Variants in SIRT2 observed in about 807,000 individuals in gnomAD.
SIRT2 encodes the protein sirtuin 2, also known as NAD-dependent protein deacetylase sirtuin-2.
In SIRT2, 40 loss-of-function variants were observed where a neutral mutation model predicts 57.4. That is an observed-to-expected ratio of 0.70 (90% CI 0.54 to 0.91). The LOEUF (loss-of-function observed/expected upper bound fraction) is 0.91, where lower values mean the gene tolerates loss of function less well. Among genes scored for constraint, SIRT2 ranks in the 40% least tolerant of loss-of-function variants. SIRT2 has a pLI of 0.00. For missense variants in SIRT2, 439 were observed against 510.4 expected (o/e 0.86, Z 1.35); for synonymous variants, 161 against 195.7 (o/e 0.82, Z 1.48).
chr19:38,899,129 C>A (rs1229773506), intron 1 of SIRT2, among the ~76,000 whole-genome samples: 1 of 152,032 alleles, frequency 6.6e-6, no homozygotes, highest in South Asian at 2.1e-4. Context: ...AGGCGCGGAA[C>A]AAGGGGAAGC....
intron 13 of SIRT2, chr19:38,879,935 C>A: frequency 1.9e-6 from 1 of 532,682 alleles, no homozygotes; most frequent in East Asian, 3.1e-5. Flanking sequence ...AAGTGATTCT[C>A]CCGCCTCAAC....
At position 38,879,136 on chromosome 19, in the gene SIRT2, C is replaced by CA. The variant is rs1973035044; in HGVS notation, c.*18_*19insT. On this transcript the variant is annotated 3_prime_UTR_variant, in exon 16 of 16. Transcript: ENST00000249396. ...GCTGTCCCTGAGGAGCTCGGCATCCCGCCTGGGAGATGCAGCTGTCACTGG... is the reference window on the plus strand; with the variant it reads ...GCTGTCCCTGAGGAGCTCGGCATCCCAGCCTGGGAGATGCAGCTGTCACTGG... 1 of 1,551,844 alleles carries CA rather than the reference C, an allele frequency of 6.4e-7. No individual in the cohort carries two copies. Among genetic ancestry groups the CA allele is most frequent in the African/African-American group, 1.4e-5 (1 of 71,876 alleles).
chr19:38,884,448 G>GT (rs1292961224), intron 8 of SIRT2, among the ~76,000 whole-genome samples: 116 of 151,828 alleles, frequency 7.6e-4, no homozygotes, highest in African/African-American at 2.8e-3. Context: ...TTGTTTGTTT[G>GT]TTTGTTTGTT....
In SIRT2 at chr19:38,881,421, C is replaced by T; in HGVS notation, c.691+11G>A. ...AAATCCACCTGGGCAGGTCCCTGGC[C>T]AGAGGCTCACCAGGCTTCACCAGGC... On this transcript the variant is annotated intron_variant, in intron 10 of 15. Coordinates refer to ENST00000249396, the MANE Select transcript of SIRT2 (RefSeq NM_012237.4). 6.2e-7 allele frequency: 1 copy of T among 1,613,898 alleles called. No individual in the cohort carries two copies. The highest frequency in any genetic ancestry group is 8.5e-7 in the Non-Finnish European group (1 of 1,179,836).
rs1443845892 is a variant in SIRT2, at chr19:38,881,146, A to T, written c.701T>A (p.Phe234Tyr). ...CQSLVKPDIV[F>Y]FGESLPARFF... ...ACGCGCTGGGAGGCTCTCACCAAAA[A>T]AGACGATATCTGAGGTGGAGACAGA... The change falls in exon 11 of 16, where the codon TTT becomes TAT. Residue 234 changes from phenylalanine to tyrosine, a missense_variant. Phe to Tyr is a conservative substitution (Grantham distance 22, BLOSUM62 3). Coordinates refer to ENST00000249396, the MANE Select transcript of SIRT2 (RefSeq NM_012237.4). 6.2e-7 allele frequency: 1 copy of T among 1,613,126 alleles called. No individual in the cohort carries two copies. The highest frequency in any genetic ancestry group is 8.5e-7 in the Non-Finnish European group (1 of 1,179,706).
At chr19:38,896,835 G>A (rs1264484919) in intron 2 of SIRT2, among the ~76,000 whole-genome samples, 1 of 152,180 alleles carries the variant, frequency 6.6e-6, no homozygotes, top group African/African-American at 2.4e-5. Context: ...CCCCACGTCT[G>A]AAAGGCAATC....
intron 8 of SIRT2, among the ~76,000 whole-genome samples, chr19:38,884,444 G>GTTTT (rs1973261439): frequency 1.3e-5 from 2 of 151,606 alleles, no homozygotes; most frequent in African/African-American, 4.8e-5. Flanking sequence ...TGGTTTGTTT[G>GTTTT]TTTGTTTGTT....
rs1183911679 is a variant in SIRT2 at position 38,880,107 on chromosome 19, G to A, written c.877-405C>T. On this transcript the variant is annotated intron_variant, in intron 13 of 15. Coordinates refer to ENST00000249396, the MANE Select transcript of SIRT2 (RefSeq NM_012237.4). The surrounding 1 kb of genome is among the most constrained non-coding windows in gnomAD (Gnocchi z 4.1). ...CCCAAAGTGCTGGAATTACAGGCGTGAGCCATTGCGCCCAGCCAGCTCAGT... is the reference window on the plus strand; with the variant it reads ...CCCAAAGTGCTGGAATTACAGGCGTAAGCCATTGCGCCCAGCCAGCTCAGT... The A allele has an allele frequency of 4.9e-6, 1 of 202,134 alleles. No individual in the cohort carries two copies. The highest frequency in any genetic ancestry group is 2.3e-5 in the African/African-American group (1 of 43,004). 12.5% of individuals were successfully genotyped at this position (202,134 alleles called of 1,614,324 possible).
At chr19:38,889,985 A>T (rs1353109669) in intron 5 of SIRT2, 24 bp from the exon 6 acceptor site, 1 of 1,611,698 alleles carries the variant, frequency 6.2e-7, no homozygotes, top group Admixed American at 1.7e-5. Flanking sequence ...GTCAGGGAGC[A>T]GTTGGTCTAT....
chr19:38,893,780 C>T (rs201560777), intron 3 of SIRT2, 39 bp downstream of exon 3: 43 of 1,612,118 alleles, frequency 2.7e-5, no homozygotes, highest in South Asian at 4.4e-5. Context: ...CCCCCGCCCC[C>T]CAGAACCCTG....
rs770109077 is a variant in SIRT2, at chr19:38,880,608, T to TG, written c.876+76dup. On this transcript the variant is annotated intron_variant, in intron 13 of 15. Coordinates refer to ENST00000249396, the MANE Select transcript of SIRT2 (RefSeq NM_012237.4). The surrounding 1 kb of genome is among the most constrained non-coding windows in gnomAD (Gnocchi z 4.1). Reference sequence around the variant, plus strand: ...AATGCAAAGTGCTGGGGTTCCACAGTGGGGGTTCCCTCTGAGGAAAAGGGT... The same window carrying TG: ...AATGCAAAGTGCTGGGGTTCCACAGTGGGGGGTTCCCTCTGAGGAAAAGGGT... 2 of 969,748 alleles carry TG rather than the reference T, an allele frequency of 2.1e-6. No homozygotes were observed. Among genetic ancestry groups the TG allele is most frequent in the African/African-American group, 3.3e-5 (2 of 61,110 alleles). The allele number at this position is 969,748 out of a possible 1,614,324, so 60.1% of individuals were successfully genotyped here. A position where few individuals can be genotyped will look rare whatever the true frequency, so the allele number is the denominator to read the frequency against.
Position 38,893,898 on chromosome 19 carries a change from C to T in SIRT2, c.64-31G>A, listed in dbSNP as rs569482532. Reference sequence around the variant, plus strand: ...AGGGGTGGGGTGGAGTGGCCAGGCCCGAGAGGTGGGATTAGGGAGGGAGGA... The same window carrying T: ...AGGGGTGGGGTGGAGTGGCCAGGCCTGAGAGGTGGGATTAGGGAGGGAGGA... On this transcript the variant is annotated intron_variant, in intron 2 of 15. Transcript: ENST00000249396. 12 of 1,613,404 alleles carry T rather than the reference C, an allele frequency of 7.4e-6. No individual in the cohort carries two copies. In the East Asian group the frequency reaches 8.9e-5, roughly 12 times the overall value.
In SIRT2 at chr19:38,898,722, C is replaced by A. The variant is rs17886432; in HGVS notation, c.17-297G>T. The A allele has an allele frequency of 3.7e-3, 1,148 of 312,862 alleles. 17 individuals are homozygous for A. The highest frequency in any genetic ancestry group is 0.022 in the African/African-American group (1,045 of 46,790). The allele number at this position is 312,862 out of a possible 1,614,324, so 19.4% of individuals were successfully genotyped here. ...CTGGTCTTGAACTCCTGGGCTCAAGCGATCCAACCACCTTGGCCTCCCAAA... is the reference window on the plus strand; with the variant it reads ...CTGGTCTTGAACTCCTGGGCTCAAGAGATCCAACCACCTTGGCCTCCCAAA... On this transcript the variant is annotated intron_variant, in intron 1 of 15. Transcript: ENST00000249396.
chr19:38,886,852 C>T (rs904830048), intron 8 of SIRT2, among the ~76,000 whole-genome samples: 3 of 152,068 alleles, frequency 2.0e-5, no homozygotes, highest in African/African-American at 7.2e-5. Context: ...AAACTCCTGA[C>T]GTTGACTTTG....
rs144092295 is a variant in SIRT2, at chr19:38,899,278, T to A, written c.16+228A>T. On this transcript the variant is annotated intron_variant, in intron 1 of 15. Transcript: ENST00000249396. ...CAACCAAGGTGCGAGAAACACGCGA[T>A]CATTGGCAACTTGGCAAGTGGATGT... Among the ~76,000 whole-genome samples, 3 of 152,228 alleles carry A rather than the reference T, an allele frequency of 2.0e-5. No homozygotes were observed. The East Asian group carries it at 5.8e-4, about 29-fold the overall frequency.
At position 38,899,562 on chromosome 19, in the gene SIRT2, C is replaced by G; in HGVS notation, c.-41G>C. 6.2e-7 allele frequency: 1 copy of G among 1,613,696 alleles called. No homozygotes were observed. The highest frequency in any genetic ancestry group is 8.5e-7 in the Non-Finnish European group (1 of 1,179,876). On this transcript the variant is annotated 5_prime_UTR_variant, in exon 1 of 16. Coordinates refer to ENST00000249396, the MANE Select transcript of SIRT2 (RefSeq NM_012237.4). ...GCCCTTGAGGCTGTCACCGACCGCTCTGTCCCGTCACCAACCACTGTGTCC... is the reference window on the plus strand; with the variant it reads ...GCCCTTGAGGCTGTCACCGACCGCTGTGTCCCGTCACCAACCACTGTGTCC...
intron 8 of SIRT2, among the ~76,000 whole-genome samples, chr19:38,884,136 C>G (rs1973251055): frequency 6.7e-6 from 1 of 149,634 alleles, no homozygotes; most frequent in South Asian, 2.1e-4. Context: ...AAAAGGGGCC[C>G]AAACCTAAAT....
At chr19:38,886,917 A>G (rs1308644374) in intron 8 of SIRT2, among the ~76,000 whole-genome samples, 1 of 150,864 alleles carries the variant, frequency 6.6e-6, no homozygotes, top group Non-Finnish European at 1.5e-5. Flanking sequence ...GCCTTTATAT[A>G]ATAGTTTGTA....
chr19:38,894,036 G>T (rs1195740501), intron 2 of SIRT2, 169 bp from the exon 3 acceptor site: 3 of 1,415,622 alleles, frequency 2.1e-6, no homozygotes, highest in Non-Finnish European at 2.8e-6. Context: ...GGGACAGGCT[G>T]CCGGGGTTGG....
Sources: allele counts gnomAD v4.1 joint callset (sites outside exome capture counted in the v4.1 genomes callset), GRCh38; gene constraint gnomAD v4.1.1; non-coding constraint Gnocchi (gnomAD v3.1); transcripts MANE v1.5; gene names NCBI Gene and HGNC (gene_info 2026-07-23, HGNC 2026-07-21).